The following LDAH variants were observed in gnomAD, a reference collection of about 807,000 sequenced individuals.
The protein encoded by LDAH is lipid droplet associated hydrolase.
LDAH carries 26 observed loss-of-function variants against 29.6 expected under a neutral mutation model. That is an observed-to-expected ratio of 0.88 (90% CI 0.64 to 1.22). The LOEUF is 1.22. Among genes scored for constraint, LDAH ranks in the 50% most tolerant of loss-of-function variants. The probability of loss-of-function intolerance (pLI) is 0.00; values close to 1 mark genes in which losing one functional copy is unlikely to be tolerated. For missense variants in LDAH, 344 were observed against 387.3 expected (o/e 0.89, Z 0.94); for synonymous variants, 117 against 133.0 (o/e 0.88, Z 0.83).
At chr2:20,799,694 G>A (rs752641469) in intron 2 of LDAH, among the ~76,000 whole-genome samples, 1 of 151,698 alleles carries the variant, frequency 6.6e-6, no homozygotes, top group Non-Finnish European at 1.5e-5. Context: ...ACCCTTCCCA[G>A]CCTTTAGTAT....
chr2:20,795,121 C>T (rs1297734376), intron 2 of LDAH, among the ~76,000 whole-genome samples: 5 of 152,166 alleles, frequency 3.3e-5, no homozygotes, highest in Non-Finnish European at 7.4e-5. Flanking sequence ...CAAAAGTTTA[C>T]ATAAAAATGT....
At chr2:20,774,442 A>G (rs585042) in intron 4 of LDAH, among the ~76,000 whole-genome samples, 2,248 of 152,338 alleles carry the variant, frequency 0.015, 57 homozygotes, top group African/African-American at 0.051. Flanking sequence ...AAAAGGCAAG[A>G]ATATTTACAA....
intron 6 of LDAH, among the ~76,000 whole-genome samples, chr2:20,691,607 A>G (rs148360565): frequency 7.9e-5 from 12 of 152,342 alleles, no homozygotes; most frequent in Non-Finnish European, 1.6e-4. Flanking sequence ...AATCAGCAGG[A>G]TGTTTACATT....
chr2:20,805,216 G>A (rs649018), intron 1 of LDAH, among the ~76,000 whole-genome samples: 23,065 of 152,044 alleles, frequency 0.15, 4,311 homozygotes, highest in African/African-American at 0.45. Flanking sequence ...TGAAAATCAA[G>A]CTCAGTCTAT....
chr2:20,715,080 A>G (rs146792573), intron 5 of LDAH, among the ~76,000 whole-genome samples: 2,492 of 152,328 alleles, frequency 0.016, 36 homozygotes, highest in Non-Finnish European at 0.025. Context: ...ACACAACAAA[A>G]AAAGAATTTT....
chr2:20,702,618 C>A (rs1664027283), intron 5 of LDAH, among the ~76,000 whole-genome samples: 1 of 152,098 alleles, frequency 6.6e-6, no homozygotes, highest in South Asian at 2.1e-4. Flanking sequence ...TAACAAATTT[C>A]TTTTCATTAA....
downstream of LDAH, among the ~76,000 whole-genome samples, chr2:20,682,770 C>A (rs141423843): frequency 9.2e-5 from 14 of 152,200 alleles, no homozygotes; most frequent in Admixed American, 2.6e-4. Context: ...CTCTAACACA[C>A]GAACTTTGGA....
At chr2:20,691,843 T>G (rs1395695140) in intron 6 of LDAH, among the ~76,000 whole-genome samples, 1 of 152,230 alleles carries the variant, frequency 6.6e-6, no homozygotes, top group Non-Finnish European at 1.5e-5. Context: ...TTTCCTCCTG[T>G]GTTTTCTGCA....
chr2:20,763,620 C>A (rs1668833585), intron 4 of LDAH, among the ~76,000 whole-genome samples: 1 of 152,184 alleles, frequency 6.6e-6, no homozygotes, highest in Admixed American at 6.5e-5. Flanking sequence ...ATGTGTTGGG[C>A]AGTAAATATA....
chr2:20,822,129 CT>C (rs11315806), intron 1 of LDAH, among the ~76,000 whole-genome samples: 133,620 of 136,812 alleles, frequency 0.98, 65,236 homozygotes, highest in East Asian at 0.99. Context: ...ACTATCAACT[CT>C]TTTTTTTTTT....
chr2:20,690,416 C>T (rs1291397495), intron 6 of LDAH, among the ~76,000 whole-genome samples: 2 of 152,204 alleles, frequency 1.3e-5, no homozygotes, highest in East Asian at 1.9e-4. Context: ...TTTGGTTAAA[C>T]GCCTAACTGA....
intron 5 of LDAH, among the ~76,000 whole-genome samples, chr2:20,720,243 GATAA>G (rs762997007): frequency 5.9e-5 from 9 of 152,036 alleles, no homozygotes; most frequent in South Asian, 4.1e-4. Context: ...TCTCAGAACT[GATAA>G]ATAAAGATAG....
Position 20,685,454 on chromosome 2 carries a change from C to A in LDAH, c.*1449G>T, listed in dbSNP as rs1662491659. 1 of 1,489,126 alleles carries A rather than the reference C, an allele frequency of 6.7e-7. No individual in the cohort carries two copies. The highest frequency in any genetic ancestry group is 9.0e-7 in the Non-Finnish European group (1 of 1,113,030). The allele number at this position is 1,489,126 out of a possible 1,614,324, so 92.2% of individuals were successfully genotyped here. ...AGCTCTTCCCCTTGGGCTAACAGCA[C>A]TCCTTGTCTGGAGCTTGGCTTTTCC... On this transcript the variant is annotated 3_prime_UTR_variant, in exon 7 of 7. Coordinates refer to ENST00000237822, the MANE Select transcript of LDAH (RefSeq NM_021925.4).
At chr2:20,713,950 C>T (rs1354095539) in intron 5 of LDAH, among the ~76,000 whole-genome samples, 7 of 152,214 alleles carry the variant, frequency 4.6e-5, no homozygotes, top group African/African-American at 1.2e-4. Context: ...TAACACCCCA[C>T]TGTCAATATT....
chr2:20,819,664 A>G (rs573492296), intron 1 of LDAH, among the ~76,000 whole-genome samples: 3 of 152,344 alleles, frequency 2.0e-5, no homozygotes, highest in East Asian at 1.9e-4. Context: ...ATCATACTGA[A>G]TGGGCAAAAA....
intron 4 of LDAH, among the ~76,000 whole-genome samples, chr2:20,748,041 T>A (rs1014996303): frequency 6.6e-6 from 1 of 152,198 alleles, no homozygotes; most frequent in Non-Finnish European, 1.5e-5. Context: ...TTACTACTAT[T>A]ATTGTTAGAT....
chr2:20,715,648 A>T (rs975630551), intron 5 of LDAH, among the ~76,000 whole-genome samples: 1 of 152,240 alleles, frequency 6.6e-6, no homozygotes, highest in Non-Finnish European at 1.5e-5. Context: ...TCTCAGCCCA[A>T]AATTTCCTTA....
chr2:20,687,312 G>T (rs55681439), intron 6 of LDAH, among the ~76,000 whole-genome samples: 8,676 of 152,206 alleles, frequency 0.057, 336 homozygotes, highest in East Asian at 0.12. Flanking sequence ...CCCCATGCTG[G>T]GAGACTCTTG....
intron 4 of LDAH, among the ~76,000 whole-genome samples, chr2:20,748,603 T>C (rs913511874): frequency 5.3e-5 from 8 of 152,230 alleles, no homozygotes; most frequent in Non-Finnish European, 1.0e-4. Flanking sequence ...ACAGGCTCAC[T>C]GCAAATTATT....
Sources: allele counts gnomAD v4.1 joint callset (sites outside exome capture counted in the v4.1 genomes callset), GRCh38; gene constraint gnomAD v4.1.1; transcripts MANE v1.5; gene names NCBI Gene and HGNC (gene_info 2026-07-23, HGNC 2026-07-21).